RYR1: variants seen among roughly 807,000 people sequenced by gnomAD.
The protein encoded by RYR1 is central core disease of muscle.
RYR1 carries 342 observed loss-of-function variants against 583.5 expected under a neutral mutation model. The observed-to-expected ratio is 0.59, with a 90% CI of 0.54 to 0.64. RYR1 has a LOEUF of 0.64. RYR1 is among the 30% of genes least tolerant of loss of function. The probability of loss-of-function intolerance (pLI) is 0.00; values close to 1 mark genes in which losing one functional copy is unlikely to be tolerated. For missense variants in RYR1, 6,032 were observed against 6,917.2 expected (o/e 0.87, Z 4.54); for synonymous variants, 2,791 against 2,822.5 (o/e 0.99, Z 0.35).
Position 38,459,300 on chromosome 19 carries a change from G to A in RYR1, c.2322G>A (p.Gly774=). ...TCTTTGAGTCCTTCAACCTGGACGG[G>A]CTCTTCTTCCCTGTTGTCAGCTTCT... ...QGVFESFNLD[G]LFFPVVSFSA... Residue 774 remains glycine, a synonymous_variant, in exon 19 of 106, where the codon GGG becomes GGA. Coordinates refer to ENST00000359596, the MANE Select transcript of RYR1 (RefSeq NM_000540.3). The A allele has an allele frequency of 6.2e-7, 1 of 1,614,070 alleles. No homozygotes were observed. Among genetic ancestry groups the A allele is most frequent in the Non-Finnish European group, 8.5e-7 (1 of 1,180,012 alleles).
chr19:38,517,544 G>A lies in RYR1; in HGVS notation c.9871G>A (p.Ala3291Thr), dbSNP rs772218594. The A allele has an allele frequency of 3.7e-6, 6 of 1,613,726 alleles. No homozygotes were observed. The African/African-American group carries it at 5.3e-5, about 14-fold the overall frequency. Residue 3291 changes from alanine (A) to threonine (T), a missense_variant, in exon 66 of 106, where the codon GCA (alanine) becomes ACA (threonine). By Grantham distance (58) the Ala-to-Thr change is moderately conservative. Around this residue, in one of 11 missense-constraint regions of RYR1, gnomAD observed 1,493 missense variants for 1,715.5 expected, o/e 0.87. Coordinates refer to ENST00000359596, the MANE Select transcript of RYR1 (RefSeq NM_000540.3). ...CCGATGGTGGGAGCGCGGGCCCGAG[G>A]CACCCCCTTCCGCCCTGCCCGCCGG... ...LPRWWERGPE[A>T]PPSALPAGAP...
chr19:38,433,892 A>T lies in RYR1; in HGVS notation c.45+18A>T. 1.9e-6 allele frequency: 3 copies of T among 1,610,720 alleles called. No homozygotes were observed. The South Asian group carries it at 3.3e-5, about 18-fold the overall frequency. ...TGCGGACGGTGCGTATCTCTGGGTT[A>T]GGGGCCTGTGGGGCTATCTCTTGGG... On this transcript the variant is annotated intron_variant, in intron 1 of 105. Coordinates refer to ENST00000359596, the MANE Select transcript of RYR1 (RefSeq NM_000540.3).
At position 38,499,667 on chromosome 19, in the gene RYR1, G is replaced by C; in HGVS notation, c.7060G>C (p.Val2354Leu). ...ESVEENANVVVRLLIRKPECF... is the reference protein window; with the variant it reads ...ESVEENANVVLRLLIRKPECF... ...CGTGGAGGAGAACGCCAATGTGGTG[G>C]TGCGGCTGCTCATCCGGAAGCCTGA... Residue 2354 changes from valine (V) to leucine (L), a missense_variant, in exon 44 of 106, where the codon GTG becomes CTG. Val to Leu is a conservative substitution (Grantham distance 32). Around this residue, in one of 11 missense-constraint regions of RYR1, gnomAD observed 2,627 missense variants for 2,961.3 expected, o/e 0.89. Coordinates refer to ENST00000359596, the MANE Select transcript of RYR1 (RefSeq NM_000540.3). The surrounding 1 kb of genome is among the most constrained non-coding windows in gnomAD (Gnocchi z 7.3). 6.3e-7 allele frequency: 1 copy of C among 1,599,346 alleles called. No homozygotes were observed. Among genetic ancestry groups the C allele is most frequent in the African/African-American group, 1.3e-5 (1 of 74,994 alleles).
intron 49 of RYR1, among the ~76,000 whole-genome samples, chr19:38,503,466 A>G (rs552864903): frequency 6.6e-6 from 1 of 152,312 alleles, no homozygotes; most frequent in South Asian, 2.1e-4. Flanking sequence ...CATCGAAATC[A>G]GCTCCTATTT....
intron 92 of RYR1, among the ~76,000 whole-genome samples, chr19:38,567,369 C>G (rs1242916869): frequency 6.6e-6 from 1 of 152,006 alleles, no homozygotes; most frequent in Admixed American, 6.6e-5. Context: ...ATGAAAACTC[C>G]CATCTAACTG....
chr19:38,532,349 C>CA, intron 76 of RYR1, 141 bp from the exon 77 acceptor site: 1 of 825,230 alleles, frequency 1.2e-6, no homozygotes, highest in Non-Finnish European at 2.0e-6. Flanking sequence ...TTTCAGACTC[C>CA]TGATCTCAAG....
In RYR1 at chr19:38,536,778, C is replaced by A. The variant is rs757289057; in HGVS notation, c.11608+11C>A. On this transcript the variant is annotated intron_variant, in intron 83 of 105. Transcript: ENST00000359596. ...TCAATCGCCAGAACGGTAATTCCCC[C>A]AGCCCACCCCCGTGCTGTGCTGCTG... is the stretch of plus-strand genomic sequence containing the variant. 1 of 1,613,850 alleles carries A rather than the reference C, an allele frequency of 6.2e-7. No homozygotes were observed. The highest frequency in any genetic ancestry group is 1.1e-5 in the South Asian group (1 of 91,062).
In RYR1 at chr19:38,473,563, G is replaced by A. The variant is rs755824571; in HGVS notation, c.3952G>A (p.Ala1318Thr). ...PLAPPGLQPP[A>T]EDEARAAEPD... ...GGCACCTCCTGGCCTGCAGCCCCCC[G>A]CCGAGGACGAGGCCCGGGCGGCGGA... is the stretch of plus-strand genomic sequence containing the variant. Residue 1318 changes from alanine to threonine, a missense_variant, in exon 28 of 106, where the codon GCC becomes ACC. Coordinates refer to ENST00000359596, the MANE Select transcript of RYR1 (RefSeq NM_000540.3). 47 of 1,600,120 alleles carry A rather than the reference G, an allele frequency of 2.9e-5. 1 individual carries two copies. In the South Asian group the frequency reaches 3.7e-4, roughly 13 times the overall value.
chr19:38,548,207 C>T (rs770726464), intron 88 of RYR1, 26 bp from the exon 89 acceptor site: 6 of 1,613,650 alleles, frequency 3.7e-6, no homozygotes, highest in Non-Finnish European at 5.1e-6. Context: ...TGTTCACCGG[C>T]CACACTGACC....
intron 3 of RYR1, 54 bp downstream of exon 3, chr19:38,442,507 A>G (rs1972741580): frequency 1.4e-6 from 2 of 1,399,570 alleles, no homozygotes; most frequent in Non-Finnish European, 2.0e-6. Context: ...GAGAGGACCC[A>G]GGGGTCGTTT....
intron 25 of RYR1, among the ~76,000 whole-genome samples, chr19:38,468,602 G>A (rs1044821885): frequency 1.3e-5 from 2 of 152,122 alleles, no homozygotes; most frequent in Admixed American, 6.6e-5. Context: ...ATGTATATAA[G>A]CATATATGGA....
rs920888637 is a variant in RYR1 at position 38,564,848 on chromosome 19, C to A, written c.12625-111C>A. On this transcript the variant is annotated intron_variant, in intron 90 of 105. Coordinates refer to ENST00000359596, the MANE Select transcript of RYR1 (RefSeq NM_000540.3). ...TCTCAAAAACAAAATACCAACAATGCATTTAGAACAGCGCCTGCCGCGGTG... is the reference window on the plus strand; with the variant it reads ...TCTCAAAAACAAAATACCAACAATGAATTTAGAACAGCGCCTGCCGCGGTG... The A allele has an allele frequency of 8.0e-6, 12 of 1,503,144 alleles. 1 individual carries two copies. The Admixed American group carries it at 2.4e-4, about 30-fold the overall frequency. The allele number at this position is 1,503,144 out of a possible 1,614,324, so 93.1% of individuals were successfully genotyped here.
Position 38,502,681 on chromosome 19 carries a change from A to G in RYR1, c.7789A>G (p.Lys2597Glu), listed in dbSNP as rs920388181. 2 of 1,607,998 alleles carry G rather than the reference A, an allele frequency of 1.2e-6. No individual in the cohort carries two copies. Among genetic ancestry groups the G allele is most frequent in the Admixed American group, 3.3e-5 (2 of 59,780 alleles). ...YRLSRGRSLT[K>E]AQRDVIEDCL... Reference sequence around the variant, plus strand: ...CCTGTCTCGGGGTCGTTCGCTCACCAAGGCGCAGCGTGACGTCATCGAGGA... The same window carrying G: ...CCTGTCTCGGGGTCGTTCGCTCACCGAGGCGCAGCGTGACGTCATCGAGGA... The change falls in exon 48 of 106, where the codon AAG (lysine) becomes GAG (glutamate). Residue 2597 changes from lysine (K) to glutamate (E), a missense_variant. Around this residue, in one of 11 missense-constraint regions of RYR1, gnomAD observed 250 missense variants for 162.3 expected, o/e 1.54. Transcript: ENST00000359596.
chr19:38,476,789 T>C (rs541420002), intron 29 of RYR1, among the ~76,000 whole-genome samples: 135 of 152,288 alleles, frequency 8.9e-4, no homozygotes, highest in Admixed American at 3.3e-3. Context: ...TTCTCTCCTA[T>C]GGAGGTGCTA....
intron 105 of RYR1, 68 bp from the exon 106 acceptor site, chr19:38,587,256 AT>A: frequency 3.8e-6 from 2 of 530,338 alleles, no homozygotes; most frequent in Non-Finnish European, 5.8e-6. Context: ...CTGTCTAAAA[AT>A]ATATATATAT....
intron 1 of RYR1, among the ~76,000 whole-genome samples, chr19:38,438,266 C>T (rs576125145): frequency 1.3e-5 from 2 of 152,040 alleles, no homozygotes; most frequent in Non-Finnish European, 2.9e-5. Context: ...AAAAGCCACT[C>T]TCTTACATCA....
intron 29 of RYR1, 95 bp from the exon 30 acceptor site, chr19:38,477,615 G>C: frequency 6.7e-7 from 1 of 1,500,326 alleles, no homozygotes; most frequent in South Asian, 1.1e-5. Flanking sequence ...AACTCCCAGA[G>C]GACCCAACAG....
chr19:38,544,458 A>G (rs1231426370), intron 87 of RYR1, among the ~76,000 whole-genome samples: 3 of 152,122 alleles, frequency 2.0e-5, no homozygotes, highest in Non-Finnish European at 4.4e-5. Flanking sequence ...GCTGCCATAT[A>G]CTGTTCCGCA....
intron 96 of RYR1, among the ~76,000 whole-genome samples, chr19:38,574,805 C>T (rs1336997231): frequency 3.3e-5 from 5 of 151,970 alleles, no homozygotes; most frequent in Non-Finnish European, 1.5e-5. Flanking sequence ...TTTGGGAGGC[C>T]GAGGCAGGCG....
Sources: gnomAD v4.1 joint callset for allele counts (sites outside exome capture counted in the v4.1 genomes callset) on GRCh38, gnomAD v4.1.1 for gene constraint, gnomAD v4.1.1 regional missense constraint, Gnocchi (gnomAD v3.1) non-coding constraint, MANE v1.5 for transcripts, NCBI Gene and HGNC (gene_info 2026-07-23, HGNC 2026-07-21) for gene names.